The following STK3 variants were observed in gnomAD, a reference collection of about 807,000 sequenced individuals.
STK3 encodes the protein serine/threonine-protein kinase 3.
STK3 carries 41 observed loss-of-function variants against 58.0 expected under a neutral mutation model. The observed-to-expected ratio is 0.71, with a 90% CI of 0.55 to 0.92. The LOEUF (loss-of-function observed/expected upper bound fraction) is 0.92. STK3 is among the 40% of genes least tolerant of loss of function. STK3 has a pLI of 0.00. For missense variants in STK3, 479 were observed against 602.7 expected (o/e 0.79, Z 2.15); for synonymous variants, 170 against 191.0 (o/e 0.89, Z 0.91).
At chr8:98,870,209 G>A (rs1441094178) in intron 3 of STK3, among the ~76,000 whole-genome samples, 1 of 151,970 alleles carries the variant, frequency 6.6e-6, no homozygotes, top group African/African-American at 2.4e-5. Context: ...ATTCCATGGT[G>A]TATGTGCCAC....
At chr8:98,795,418 A>G (rs1301758928) in intron 1 of STK3, among the ~76,000 whole-genome samples, 2 of 151,736 alleles carry the variant, frequency 1.3e-5, no homozygotes, top group African/African-American at 4.8e-5. Flanking sequence ...ATCTATGACA[A>G]CTCCACAGCC....
chr8:98,359,072 C>T, the STK3 span, among the ~76,000 whole-genome samples: 2 of 152,212 alleles, frequency 1.3e-5, no homozygotes, highest in South Asian at 4.2e-4. Flanking sequence ...AGAGTTACGA[C>T]ATTCTAGGGA....
At chr8:98,705,032 T>G (rs1235592377) in intron 6 of STK3, among the ~76,000 whole-genome samples, 1 of 152,236 alleles carries the variant, frequency 6.6e-6, no homozygotes, top group African/African-American at 2.4e-5. Context: ...CTTGTTGTTT[T>G]TCAAGTTATT....
chr8:98,552,166 T>C (rs539646700), intron 8 of STK3, among the ~76,000 whole-genome samples: 3 of 152,140 alleles, frequency 2.0e-5, no homozygotes, highest in African/African-American at 4.8e-5. Flanking sequence ...CAGAGTCCCA[T>C]ATAAATTATT....
chr8:98,921,872 T>G (rs1304886478), intron 1 of STK3, among the ~76,000 whole-genome samples: 14 of 152,258 alleles, frequency 9.2e-5, no homozygotes, highest in African/African-American at 3.4e-4. Flanking sequence ...TTTGTATTTT[T>G]TAGTAAAGAC....
chr8:98,934,353 C>T (rs1006748974), intron 1 of STK3, among the ~76,000 whole-genome samples: 2 of 152,198 alleles, frequency 1.3e-5, no homozygotes, highest in African/African-American at 4.8e-5. Flanking sequence ...TGGCCTTCCC[C>T]AACAATCCCC....
At chr8:98,673,699 G>C (rs979694351) in intron 6 of STK3, among the ~76,000 whole-genome samples, 1 of 152,066 alleles carries the variant, frequency 6.6e-6, no homozygotes, top group Non-Finnish European at 1.5e-5. Context: ...AACTAGATAA[G>C]AGTTCTGAAG....
intron 6 of STK3, among the ~76,000 whole-genome samples, chr8:98,680,569 T>C (rs934898887): frequency 6.6e-6 from 1 of 151,564 alleles, no homozygotes; most frequent in Non-Finnish European, 1.5e-5. Flanking sequence ...TCAGAAGCAA[T>C]AAGAAAAAAA....
intron 1 of STK3, chr8:98,905,639 T>G: frequency 1.2e-6 from 1 of 831,804 alleles, no homozygotes; most frequent in Non-Finnish European, 2.1e-6. Flanking sequence ...TGTGGCCTCC[T>G]GGGGCAGGTT....
chr8:98,717,835 T>TAGAA (rs1404973042), intron 4 of STK3, among the ~76,000 whole-genome samples: 3 of 152,158 alleles, frequency 2.0e-5, no homozygotes, highest in Non-Finnish European at 4.4e-5. Flanking sequence ...TAAAATGTGG[T>TAGAA]AGAAACATAC....
chr8:98,637,429 C>T (rs942377413), intron 6 of STK3, among the ~76,000 whole-genome samples: 2 of 152,082 alleles, frequency 1.3e-5, no homozygotes, highest in African/African-American at 4.8e-5. Flanking sequence ...AAGGAAGAAA[C>T]GAGTGAGTTC....
chr8:98,619,246 A>G (rs1818041506), intron 6 of STK3, among the ~76,000 whole-genome samples: 1 of 149,768 alleles, frequency 6.7e-6, no homozygotes, highest in East Asian at 2.0e-4. Context: ...TGGTGCTGGG[A>G]AAACTGGCTA....
intron 6 of STK3, among the ~76,000 whole-genome samples, chr8:98,652,241 A>G (rs1426252546): frequency 2.0e-5 from 3 of 152,246 alleles, no homozygotes; most frequent in African/African-American, 7.2e-5. Context: ...AAGCTTCATA[A>G]GTGAAGGAGA....
intron 6 of STK3, among the ~76,000 whole-genome samples, chr8:98,650,506 C>T (rs1218060390): frequency 3.3e-5 from 5 of 152,216 alleles, no homozygotes; most frequent in African/African-American, 9.6e-5. Flanking sequence ...GGGGGTGCAG[C>T]GCACCATGCG....
Position 98,812,491 on chromosome 8 carries a change from G to A in STK3, c.26+13024C>T, listed in dbSNP as rs148095389. On this transcript the variant is annotated intron_variant, in intron 1 of 10. Transcript: ENST00000419617. Reference sequence around the variant, plus strand: ...GGAAGACTGTGTGGCAATTCCTCAAGGATCTAGAACTAGAAGTACCATTTG... The same window carrying A: ...GGAAGACTGTGTGGCAATTCCTCAAAGATCTAGAACTAGAAGTACCATTTG... 5.5e-3 allele frequency among the ~76,000 whole-genome samples: 834 copies of A among 152,278 alleles called. 9 individuals carry two copies. Among genetic ancestry groups the A allele is most frequent in the African/African-American group, 0.019 (803 of 41,546 alleles).
At chr8:98,513,777 C>A (rs1190899341) in intron 10 of STK3, among the ~76,000 whole-genome samples, 3 of 152,134 alleles carry the variant, frequency 2.0e-5, no homozygotes, top group African/African-American at 7.2e-5. Context: ...ACTCCCATGG[C>A]TCATATGAGA....
Position 98,502,698 on chromosome 8 carries a change from G to T in STK3, c.1317+24044C>A, listed in dbSNP as rs1420565692. ...TGTCATTGATTCTGTTTATATACTGGATTACGTTTATTGATTTGCATATGT... is the reference window on the plus strand; with the variant it reads ...TGTCATTGATTCTGTTTATATACTGTATTACGTTTATTGATTTGCATATGT... On this transcript the variant is annotated intron_variant, in intron 10 of 10. Transcript: ENST00000419617. 3.9e-5 allele frequency among the ~76,000 whole-genome samples: 6 copies of T among 152,120 alleles called. No homozygotes were observed. The East Asian group carries it at 1.2e-3, about 29-fold the overall frequency.
intron 6 of STK3, among the ~76,000 whole-genome samples, chr8:98,674,278 AT>A (rs1352169466): frequency 5.9e-5 from 9 of 152,176 alleles, no homozygotes; most frequent in Admixed American, 1.3e-4. Flanking sequence ...CAAATTATAA[AT>A]ATTATATTGT....
chr8:98,445,386 TTAAAAG>T (rs1291926320), intron 1 of STK3, among the ~76,000 whole-genome samples: 3 of 152,158 alleles, frequency 2.0e-5, no homozygotes, highest in Non-Finnish European at 4.4e-5. Flanking sequence ...GCCACATTTT[TTAAAAG>T]TAAAAGAAAA....
Sources: gnomAD v4.1 joint callset for allele counts (sites outside exome capture counted in the v4.1 genomes callset) on GRCh38, gnomAD v4.1.1 for gene constraint, MANE v1.5 for transcripts, NCBI Gene and HGNC (gene_info 2026-07-23, HGNC 2026-07-21) for gene names.